CADPS: variants seen among roughly 807,000 people sequenced by gnomAD.
CADPS encodes the protein calcium-dependent secretion activator 1.
In CADPS, 57 loss-of-function variants were observed where a neutral mutation model predicts 167.3. The observed-to-expected ratio is 0.34, with a 90% CI of 0.28 to 0.42. The LOEUF is 0.42. CADPS is among the 20% of genes least tolerant of loss of function. The pLI is 1.00. For missense variants in CADPS, 1,414 were observed against 1,738.1 expected (o/e 0.81, Z 3.32); for synonymous variants, 676 against 635.3 (o/e 1.06, Z -0.96).
At chr3:62,526,916 G>C (rs1561680389) in intron 13 of CADPS, among the ~76,000 whole-genome samples, 2 of 152,094 alleles carry the variant, frequency 1.3e-5, no homozygotes, top group Non-Finnish European at 2.9e-5. Flanking sequence ...CCCTCTCCAA[G>C]TGATTCTAGT....
chr3:62,447,424 T>C (rs763930103), intron 26 of CADPS, among the ~76,000 whole-genome samples: 2 of 152,200 alleles, frequency 1.3e-5, no homozygotes, highest in Non-Finnish European at 2.9e-5. Flanking sequence ...TCTTGCAGCA[T>C]TGATTGCAAT....
At chr3:62,481,602 C>G (rs974270912) in intron 22 of CADPS, 121 bp downstream of exon 22, 23 of 931,972 alleles carry the variant, frequency 2.5e-5, no homozygotes, top group Non-Finnish European at 4.7e-6. Context: ...GTATGATCAG[C>G]AAAATATGTC....
intron 9 of CADPS, among the ~76,000 whole-genome samples, chr3:62,569,228 G>A (rs1418297295): frequency 2.0e-5 from 3 of 152,140 alleles, no homozygotes; most frequent in African/African-American, 7.2e-5. Flanking sequence ...AGCCTCCCTA[G>A]TAGCTGAGAT....
At chr3:62,696,925 C>A (rs1486285563) in intron 3 of CADPS, among the ~76,000 whole-genome samples, 1 of 151,990 alleles carries the variant, frequency 6.6e-6, no homozygotes, top group Non-Finnish European at 1.5e-5. Flanking sequence ...TAAAGGCTGA[C>A]ATATGTACAG....
rs1211756666 is a variant in CADPS, at chr3:62,466,409, T to G, written c.3482A>C (p.Gln1161Pro). ...LCSMEMGQEH[Q>P]YHSKIDELIE... is the part of the protein sequence containing the mutation. The stretch of plus-strand genomic sequence containing the variant: ...TAGTTCGTCTATTTTTGAATGGTAT[T>G]GATGCTAAGAACACAGAAAGACAAA... Residue 1161 changes from glutamine (Q) to proline (P), a missense_variant, in exon 25 of 30, where the codon CAA becomes CCA. This residue lies in a region of CADPS where 185 missense variants were observed against 251.5 expected (regional missense o/e 0.74). Transcript: ENST00000383710. The G allele has an allele frequency of 5.6e-6, 9 of 1,599,966 alleles. No individual in the cohort carries two copies. The highest frequency in any genetic ancestry group is 1.7e-5 in the Admixed American group (1 of 59,886).
intron 3 of CADPS, among the ~76,000 whole-genome samples, chr3:62,692,525 A>G (rs1031902683): frequency 6.6e-6 from 1 of 152,072 alleles, no homozygotes; most frequent in Admixed American, 6.6e-5. Context: ...GATAAAACTT[A>G]TGCATATATT....
At chr3:62,427,563 A>G (rs1265916204) in intron 28 of CADPS, among the ~76,000 whole-genome samples, 2 of 152,130 alleles carry the variant, frequency 1.3e-5, no homozygotes, top group African/African-American at 2.4e-5. Context: ...GCTAGATGCC[A>G]GTAACATGCC....
At chr3:62,636,421 T>G (rs2066314355) in intron 6 of CADPS, among the ~76,000 whole-genome samples, 1 of 152,232 alleles carries the variant, frequency 6.6e-6, no homozygotes, top group African/African-American at 2.4e-5. Flanking sequence ...CCATCTAAAC[T>G]AGCAGCTACG....
intron 6 of CADPS, among the ~76,000 whole-genome samples, chr3:62,624,840 T>C (rs1296421635): frequency 2.0e-5 from 3 of 152,132 alleles, no homozygotes; most frequent in Non-Finnish European, 2.9e-5. Context: ...ATGCCCTGGC[T>C]TGGACCTCCA....
chr3:62,629,570 T>A (rs2064846551), intron 6 of CADPS, among the ~76,000 whole-genome samples: 1 of 152,208 alleles, frequency 6.6e-6, no homozygotes, highest in Non-Finnish European at 1.5e-5. Flanking sequence ...GTACCCTGCA[T>A]TTCCCTGCAA....
intron 3 of CADPS, among the ~76,000 whole-genome samples, chr3:62,737,558 C>A (rs1315794713): frequency 6.6e-6 from 1 of 152,114 alleles, no homozygotes; most frequent in Admixed American, 6.6e-5. Flanking sequence ...TTCCACTGGG[C>A]AAATCAGATC....
intron 11 of CADPS, 134 bp downstream of exon 11, chr3:62,549,769 G>C: frequency 1.4e-6 from 1 of 706,028 alleles, no homozygotes; most frequent in East Asian, 2.7e-5. Flanking sequence ...CTTTCCCCCT[G>C]AATTCACTAT....
Position 62,602,333 on chromosome 3 carries a change from G to A in CADPS, c.1326-9585C>T, listed in dbSNP as rs915764835. 5.9e-5 allele frequency among the ~76,000 whole-genome samples: 9 copies of A among 151,954 alleles called. No individual in the cohort carries two copies. The highest frequency in any genetic ancestry group is 2.1e-4 in the South Asian group (1 of 4,810). ...AGCATAAGGCCATAATTCATGTCTC[G>A]GAGACTGGATTTGCATTTATTCAAG... On this transcript the variant is annotated intron_variant, in intron 6 of 29. Transcript: ENST00000383710. This position sits in a 1 kb window ranked among gnomAD's most constrained non-coding sequence, Gnocchi z 4.4.
Position 62,645,829 on chromosome 3 carries a change from T to C in CADPS, c.1218A>G (p.Glu406=). The C allele has an allele frequency of 6.2e-7, 1 of 1,614,066 alleles. No individual in the cohort carries two copies. Among genetic ancestry groups the C allele is most frequent in the Non-Finnish European group, 8.5e-7 (1 of 1,179,954 alleles). ...GAGCCAAAGATTTGAGGCCTTGGAC[T>C]TCCATAATTACCACCTGAAAAGAGA... is the stretch of plus-strand genomic sequence containing the variant. The part of the protein sequence containing the change: ...LSFSLEVVIM[E]VQGLKSLAPN... Residue 406 remains glutamate (E), a synonymous_variant, in exon 6 of 30, where the codon GAA becomes GAG. Coordinates refer to ENST00000383710, the MANE Select transcript of CADPS (RefSeq NM_003716.4).
At chr3:62,530,627 C>T in intron 13 of CADPS, 1 of 1,256,562 alleles carries the variant, frequency 8.0e-7, no homozygotes, top group Non-Finnish European at 1.0e-6. Context: ...ATTACAAACA[C>T]AAGCCAATAC....
chr3:62,582,269 A>T (rs2083576603), intron 8 of CADPS, among the ~76,000 whole-genome samples: 2 of 152,074 alleles, frequency 1.3e-5, no homozygotes, highest in Non-Finnish European at 2.9e-5. Context: ...AACCTGGCAA[A>T]ACCTCATCTC....
At chr3:62,533,611 C>T (rs1243451386) in intron 12 of CADPS, among the ~76,000 whole-genome samples, 1 of 152,168 alleles carries the variant, frequency 6.6e-6, no homozygotes, top group Non-Finnish European at 1.5e-5. Flanking sequence ...TAATACAAAA[C>T]AGAGGCAGGA....
chr3:62,709,599 T>C (rs2082984676), intron 3 of CADPS, among the ~76,000 whole-genome samples: 1 of 152,018 alleles, frequency 6.6e-6, no homozygotes, highest in African/African-American at 2.4e-5. Flanking sequence ...ATGCCCGACC[T>C]AGCTTATTTA....
chr3:62,403,839 T>C (rs903967864), intron 28 of CADPS: 2 of 152,268 alleles, frequency 1.3e-5, no homozygotes, highest in Admixed American at 1.3e-4. Context: ...CAAAAAATTA[T>C]GGAAGATGAG....
Sources: gnomAD v4.1 joint callset for allele counts (sites outside exome capture counted in the v4.1 genomes callset) on GRCh38, gnomAD v4.1.1 for gene constraint, gnomAD v4.1.1 regional missense constraint, Gnocchi (gnomAD v3.1) non-coding constraint, MANE v1.5 for transcripts, NCBI Gene and HGNC (gene_info 2026-07-23, HGNC 2026-07-21) for gene names.